Variants in RGS7 observed in about 807,000 individuals in gnomAD.
RGS7 encodes regulator of G protein signaling 7.
Under a neutral mutation model 81.1 loss-of-function variants are expected in RGS7, and 27 were observed. The observed-to-expected ratio is 0.33, with a 90% CI of 0.25 to 0.46. The LOEUF (loss-of-function observed/expected upper bound fraction) is 0.46. RGS7 is among the 20% of genes least tolerant of loss of function. The probability of loss-of-function intolerance (pLI) is 1.00; values close to 1 mark genes in which losing one functional copy is unlikely to be tolerated. For missense variants in RGS7, 396 were observed against 607.4 expected (o/e 0.65, Z 3.66); for synonymous variants, 208 against 207.7 (o/e 1.00, Z -0.01).
Position 240,936,604 on chromosome 1 carries a change from A to G in RGS7, c.329T>C (p.Phe110Ser). Reference sequence around the variant, plus strand: ...GAACATTTCTAATAAACTTACTTGAAACCGGTAAAAGGTGCCATCATCCTT... The same window carrying G: ...GAACATTTCTAATAAACTTACTTGAGACCGGTAAAAGGTGCCATCATCCTT... The part of the protein sequence containing the change: ...TLKDDGTFYR[F>S]QTPYFWPSNC... Residue 110 changes from phenylalanine to serine, a missense_variant, in exon 5 of 19, where the codon TTT (phenylalanine) becomes TCT (serine). By Grantham distance (155) the Phe-to-Ser change is radical. Transcript: ENST00000440928. 6.2e-7 allele frequency: 1 copy of G among 1,610,564 alleles called. No individual in the cohort carries two copies. The highest frequency in any genetic ancestry group is 8.5e-7 in the Non-Finnish European group (1 of 1,176,720).
At chr1:241,237,282 T>G (rs1393371381) in intron 2 of RGS7, among the ~76,000 whole-genome samples, 1 of 152,154 alleles carries the variant, frequency 6.6e-6, no homozygotes, top group African/African-American at 2.4e-5. Context: ...GGAACATATC[T>G]GAGAAATAAT....
At chr1:241,299,037 C>T (rs763113437) in intron 2 of RGS7, among the ~76,000 whole-genome samples, 5 of 152,174 alleles carry the variant, frequency 3.3e-5, no homozygotes, top group Non-Finnish European at 7.3e-5. Flanking sequence ...AACTGCATCC[C>T]CAGGGAAGCC....
intron 2 of RGS7, among the ~76,000 whole-genome samples, chr1:241,195,953 A>T (rs1056834561): frequency 6.6e-6 from 1 of 152,182 alleles, no homozygotes; most frequent in Non-Finnish European, 1.5e-5. Context: ...GTTGCTGAGG[A>T]TTTTTCCAAA....
intron 3 of RGS7, among the ~76,000 whole-genome samples, chr1:241,058,344 GGAA>G (rs1393393454): frequency 1.3e-5 from 2 of 152,176 alleles, no homozygotes; most frequent in Non-Finnish European, 2.9e-5. Context: ...TCACCCCAAG[GGAA>G]GAAGCAAGGG....
At chr1:240,979,286 C>T (rs1382259746) in intron 4 of RGS7, among the ~76,000 whole-genome samples, 24 of 152,042 alleles carry the variant, frequency 1.6e-4, no homozygotes, top group Admixed American at 1.6e-3. Flanking sequence ...ATAAATCAAT[C>T]ATTTTCATAT....
At chr1:241,036,603 C>T (rs1414002935) in intron 3 of RGS7, among the ~76,000 whole-genome samples, 2 of 152,188 alleles carry the variant, frequency 1.3e-5, no homozygotes, top group Non-Finnish European at 2.9e-5. Context: ...GTTTGAGAAA[C>T]CAGCAGAGTT....
At chr1:241,032,939 AT>A (rs1211961450) in intron 3 of RGS7, among the ~76,000 whole-genome samples, 2 of 151,406 alleles carry the variant, frequency 1.3e-5, no homozygotes, top group Non-Finnish European at 2.9e-5. Flanking sequence ...AGATAATTTG[AT>A]TTCCTCTTTT....
intron 4 of RGS7, among the ~76,000 whole-genome samples, chr1:240,942,323 G>C (rs1677729521): frequency 6.6e-6 from 1 of 152,160 alleles, no homozygotes; most frequent in African/African-American, 2.4e-5. Context: ...GAGTACTTGA[G>C]TGTAAAGTAC....
chr1:241,174,616 T>G (rs1452984117), intron 2 of RGS7, among the ~76,000 whole-genome samples: 1 of 152,212 alleles, frequency 6.6e-6, no homozygotes, highest in Non-Finnish European at 1.5e-5. Context: ...ACTTTTTATG[T>G]GGGGGCTATC....
intron 3 of RGS7, among the ~76,000 whole-genome samples, chr1:241,043,757 T>C (rs1355372109): frequency 2.0e-5 from 3 of 151,736 alleles, no homozygotes; most frequent in African/African-American, 4.8e-5. Flanking sequence ...ATAACAACTA[T>C]TTATGTAGTA....
chr1:240,792,554 C>T (rs2103015626), intron 18 of RGS7, among the ~76,000 whole-genome samples: 1 of 152,224 alleles, frequency 6.6e-6, no homozygotes, highest in East Asian at 1.9e-4. Flanking sequence ...GCCACCTTTG[C>T]TCTGTCTCTC....
intron 6 of RGS7, among the ~76,000 whole-genome samples, chr1:240,905,093 C>G (rs77663809): frequency 0.01 from 1,579 of 152,168 alleles, 30 homozygotes; most frequent in African/African-American, 0.036. Context: ...TCCAAGGAAA[C>G]CAATGAATAT....
intron 9 of RGS7, among the ~76,000 whole-genome samples, chr1:240,829,137 G>A (rs1693366802): frequency 6.6e-6 from 1 of 151,968 alleles, no homozygotes; most frequent in African/African-American, 2.4e-5. Flanking sequence ...AGTAAATGAG[G>A]AAAACATTTT....
chr1:241,225,389 C>T (rs2075258664), intron 2 of RGS7, among the ~76,000 whole-genome samples: 1 of 152,202 alleles, frequency 6.6e-6, no homozygotes, highest in Admixed American at 6.5e-5. Context: ...TATACCTGAC[C>T]TCATTGCTGA....
chr1:240,954,919 T>A (rs1490960626), intron 4 of RGS7, among the ~76,000 whole-genome samples: 1 of 152,168 alleles, frequency 6.6e-6, no homozygotes, highest in Non-Finnish European at 1.5e-5. Flanking sequence ...ACAAGCTCCA[T>A]AAATAAAAGT....
chr1:240,982,814 C>T lies in RGS7; in HGVS notation c.226+265G>A, dbSNP rs1229626177. ...AATTATTTTATGGACATGTATACAG[C>T]TGATCCAGTCTAACGATCACCGATG... On this transcript the variant is annotated intron_variant, in intron 4 of 18. Transcript: ENST00000440928. Among the ~76,000 whole-genome samples, 3 of 152,292 alleles carry T rather than the reference C, an allele frequency of 2.0e-5. No individual in the cohort carries two copies. The East Asian group carries it at 5.8e-4, about 29-fold the overall frequency.
At chr1:241,055,686 T>C (rs534915349) in intron 3 of RGS7, among the ~76,000 whole-genome samples, 5 of 152,236 alleles carry the variant, frequency 3.3e-5, no homozygotes, top group African/African-American at 1.2e-4. Flanking sequence ...AGCTACCCAA[T>C]CATTTTGGAT....
intron 3 of RGS7, among the ~76,000 whole-genome samples, chr1:241,065,424 T>C (rs115942336): frequency 0.025 from 3,869 of 152,020 alleles, 147 homozygotes; most frequent in African/African-American, 0.075. Flanking sequence ...AGAGTAGCTA[T>C]ATAAAAATTA....
intron 2 of RGS7, among the ~76,000 whole-genome samples, chr1:241,253,904 G>A (rs1482369010): frequency 6.6e-6 from 1 of 152,180 alleles, no homozygotes; most frequent in South Asian, 2.1e-4. Context: ...CATTCTAGAA[G>A]GACAGTGTTC....
Sources: allele counts gnomAD v4.1 joint callset (sites outside exome capture counted in the v4.1 genomes callset), GRCh38; gene constraint gnomAD v4.1.1; transcripts MANE v1.5; gene names NCBI Gene and HGNC (gene_info 2026-07-23, HGNC 2026-07-21).